The following NREP variants were observed in gnomAD, a reference collection of about 807,000 sequenced individuals.
NREP encodes neuronal regeneration-related protein.
Under a neutral mutation model 8.6 loss-of-function variants are expected in NREP, and 5 were observed. The ratio of observed to expected loss-of-function variants is 0.58; its 90% CI spans 0.30 to 1.22. The LOEUF (loss-of-function observed/expected upper bound fraction) is 1.22. Among genes scored for constraint, NREP ranks in the 50% most tolerant of loss-of-function variants. NREP has a pLI of 0.07. For synonymous variants in NREP, 27 were observed against 28.0 expected, an observed-to-expected ratio of 0.96 and a Z score of 0.11; for missense variants, 86 against 82.5, an observed-to-expected ratio of 1.04 and a Z score of -0.17.
At chr5:111,832,118 T>C (rs1014042068) in intron 2 of NREP, among the ~76,000 whole-genome samples, 1 of 152,106 alleles carries the variant, frequency 6.6e-6, no homozygotes, top group Non-Finnish European at 1.5e-5. Flanking sequence ...ACATAAAAAC[T>C]TTGTGGCAGT....
intron 1 of NREP, among the ~76,000 whole-genome samples, chr5:111,975,878 T>A (rs910068754): frequency 6.6e-6 from 1 of 152,200 alleles, no homozygotes; most frequent in African/African-American, 2.4e-5. Context: ...AGATTTATCT[T>A]AAGGACTCAC....
chr5:111,766,199 A>T (rs1242683686), intron 2 of NREP, among the ~76,000 whole-genome samples: 1 of 152,120 alleles, frequency 6.6e-6, no homozygotes, highest in Non-Finnish European at 1.5e-5. Flanking sequence ...CATTTTTTTT[A>T]AACACTGTAA....
intron 2 of NREP, among the ~76,000 whole-genome samples, chr5:111,967,650 G>A (rs1034507301): frequency 1.3e-5 from 2 of 152,152 alleles, no homozygotes; most frequent in Non-Finnish European, 2.9e-5. Context: ...TGTCTGGGAA[G>A]TGAGGAGCGC....
chr5:111,902,001 G>T (rs780578534), intron 2 of NREP, among the ~76,000 whole-genome samples: 2 of 152,010 alleles, frequency 1.3e-5, no homozygotes, highest in African/African-American at 2.4e-5. Flanking sequence ...CAGTAATACT[G>T]AGCAGAAAGA....
chr5:111,835,639 A>G (rs1241489675), intron 2 of NREP, among the ~76,000 whole-genome samples: 1 of 152,164 alleles, frequency 6.6e-6, no homozygotes, highest in Admixed American at 6.6e-5. Flanking sequence ...AGATACTTTA[A>G]TAAGGCTGGA....
intron 2 of NREP, among the ~76,000 whole-genome samples, chr5:111,912,206 G>A (rs1438208277): frequency 6.6e-6 from 1 of 151,776 alleles, no homozygotes; most frequent in Non-Finnish European, 1.5e-5. Flanking sequence ...TATTTTCCTT[G>A]CACCCTTTTT....
intron 2 of NREP, among the ~76,000 whole-genome samples, chr5:111,790,347 C>CTTTTTTTTTTT (rs57775701): frequency 6.7e-4 from 40 of 59,638 alleles, no homozygotes; most frequent in African/African-American, 9.6e-4. Flanking sequence ...AAAACCTTAA[C>CTTTTTTTTTTT]TTTTTTTTTT....
intron 2 of NREP, among the ~76,000 whole-genome samples, chr5:111,859,542 A>C (rs1183771867): frequency 6.6e-6 from 1 of 152,112 alleles, no homozygotes; most frequent in Non-Finnish European, 1.5e-5. Flanking sequence ...GTTAGAGGCC[A>C]TGAGGGATGA....
intron 2 of NREP, among the ~76,000 whole-genome samples, chr5:111,927,099 C>A (rs1247542318): frequency 6.6e-6 from 1 of 151,974 alleles, no homozygotes; most frequent in African/African-American, 2.4e-5. Context: ...CTGAATTGGG[C>A]CCTATATTCT....
intron 2 of NREP, among the ~76,000 whole-genome samples, chr5:111,789,521 G>A (rs1028743472): frequency 6.6e-6 from 1 of 152,120 alleles, no homozygotes; most frequent in African/African-American, 2.4e-5. Flanking sequence ...ATTTTCTTAA[G>A]CCCATATTTT....
chr5:111,891,853 C>G (rs1422456666), intron 2 of NREP, among the ~76,000 whole-genome samples: 1 of 152,150 alleles, frequency 6.6e-6, no homozygotes, highest in Non-Finnish European at 1.5e-5. Context: ...GGAAATACAC[C>G]ATCGTGAGCC....
intron 2 of NREP, among the ~76,000 whole-genome samples, chr5:111,881,327 G>C (rs1274583932): frequency 6.6e-6 from 1 of 152,212 alleles, no homozygotes; most frequent in Non-Finnish European, 1.5e-5. Context: ...AGCCTGGGAA[G>C]CTCCAACTGG....
At chr5:111,917,431 C>T (rs1317287454) in intron 2 of NREP, among the ~76,000 whole-genome samples, 1 of 152,074 alleles carries the variant, frequency 6.6e-6, no homozygotes, top group Non-Finnish European at 1.5e-5. Flanking sequence ...GGCCAATATC[C>T]CTGCTGAACA....
chr5:111,773,008 T>C (rs1329817972), intron 2 of NREP, among the ~76,000 whole-genome samples: 1 of 152,226 alleles, frequency 6.6e-6, no homozygotes, highest in Non-Finnish European at 1.5e-5. Context: ...ATAGTATTGA[T>C]AATTCTAGAA....
chr5:111,795,277 C>T (rs1231886088), intron 2 of NREP, among the ~76,000 whole-genome samples: 2 of 152,150 alleles, frequency 1.3e-5, no homozygotes, highest in Non-Finnish European at 2.9e-5. Flanking sequence ...GACTGGCTGC[C>T]TCAGGTGTAT....
chr5:111,975,552 A>G (rs922816007), intron 1 of NREP, among the ~76,000 whole-genome samples: 1 of 152,170 alleles, frequency 6.6e-6, no homozygotes, highest in African/African-American at 2.4e-5. Context: ...GACTCTTTTG[A>G]GAAGCCCAGA....
intron 2 of NREP, among the ~76,000 whole-genome samples, chr5:111,939,686 C>A (rs1028491313): frequency 6.6e-6 from 1 of 151,940 alleles, no homozygotes; most frequent in Admixed American, 6.6e-5. Context: ...TTTAGTACCA[C>A]GTTATTTGAA....
At chr5:111,757,478 G>A, upstream of NREP, 1 of 985,170 alleles carries the variant, frequency 1.0e-6, no homozygotes, top group Non-Finnish European at 1.2e-6. Flanking sequence ...AGTGAACAAT[G>A]AGCTAATTCT....
chr5:111,965,264 T>A (rs1005395228), intron 2 of NREP, among the ~76,000 whole-genome samples: 1 of 152,068 alleles, frequency 6.6e-6, no homozygotes, highest in South Asian at 2.1e-4. Context: ...TTGCATCACA[T>A]ACCCTACCTA....
Sources: allele counts gnomAD v4.1 joint callset (sites outside exome capture counted in the v4.1 genomes callset), GRCh38; gene constraint gnomAD v4.1.1; transcripts MANE v1.5; gene names NCBI Gene and HGNC (gene_info 2026-07-23, HGNC 2026-07-21).